The following NEK10 variants were observed in gnomAD, a reference collection of about 807,000 sequenced individuals.
The protein encoded by NEK10 is serine/threonine-protein kinase Nek10.
A neutral mutation model predicts 159.8 loss-of-function variants in NEK10; 122 were observed. The ratio of observed to expected loss-of-function variants is 0.76; its 90% confidence interval spans 0.66 to 0.89. The LOEUF is 0.89. Among genes scored for constraint, NEK10 ranks in the 40% least tolerant of loss-of-function variants. The probability of loss-of-function intolerance (pLI) is 0.00; values close to 1 mark genes in which losing one functional copy is unlikely to be tolerated. For missense variants in NEK10, 1,342 were observed against 1,323.1 expected (o/e 1.01, Z -0.22); for synonymous variants, 466 against 457.1 (o/e 1.02, Z -0.25).
intron 30 of NEK10, 49 bp downstream of exon 30, chr3:27,162,652 G>T: frequency 6.2e-7 from 1 of 1,613,996 alleles, no homozygotes; most frequent in South Asian, 1.1e-5. Context: ...AAATTACATT[G>T]AATTTTAGAG....
intron 3 of NEK10, among the ~76,000 whole-genome samples, chr3:27,349,011 A>G (rs1173864121): frequency 1.3e-5 from 2 of 152,090 alleles, no homozygotes; most frequent in East Asian, 3.9e-4. Context: ...GAGACACTGT[A>G]TATATACAGT....
Position 27,344,695 on chromosome 3 carries a change from G to GT in NEK10, c.264-326dup, listed in dbSNP as rs988420755. 1.1e-4 allele frequency among the ~76,000 whole-genome samples: 17 copies of GT among 152,262 alleles called. No homozygotes were observed. In the East Asian group the frequency reaches 2.7e-3, roughly 24 times the overall value. On this transcript the variant is annotated intron_variant, in intron 4 of 35. Coordinates refer to ENST00000691995, the MANE Select transcript of NEK10 (RefSeq NM_001394966.1). The stretch of plus-strand genomic sequence containing the variant: ...AAAATTGGTTGGAGGGAAGAAAAGG[G>GT]TAAATGGAGAGAAAGAATGATTGGG...
intron 1 of NEK10, among the ~76,000 whole-genome samples, chr3:27,355,304 A>T (rs568921567): frequency 7.8e-4 from 119 of 152,164 alleles, no homozygotes; most frequent in African/African-American, 2.3e-3. Flanking sequence ...TTTACATACC[A>T]TCAGCAATTA....
At chr3:27,270,112 C>T (rs550304592) in intron 22 of NEK10, among the ~76,000 whole-genome samples, 19 of 152,248 alleles carry the variant, frequency 1.2e-4, no homozygotes, top group South Asian at 8.3e-4. Context: ...TATAGCAGAA[C>T]GGATGAGATG....
intron 23 of NEK10, among the ~76,000 whole-genome samples, chr3:27,238,440 A>G (rs1446202601): frequency 1.3e-5 from 2 of 152,146 alleles, no homozygotes; most frequent in African/African-American, 4.8e-5. Context: ...GAATATACTG[A>G]TTTTCTAATA....
chr3:27,270,346 G>T (rs1172594222), intron 22 of NEK10, among the ~76,000 whole-genome samples: 1 of 152,130 alleles, frequency 6.6e-6, no homozygotes, highest in African/African-American at 2.4e-5. Flanking sequence ...GCCAGCCATG[G>T]TATTGAGCCT....
intron 19 of NEK10, among the ~76,000 whole-genome samples, chr3:27,289,743 T>A (rs1055524648): frequency 6.6e-6 from 1 of 152,170 alleles, no homozygotes; most frequent in African/African-American, 2.4e-5. Context: ...TACAAACACA[T>A]GAACAAACTA....
At chr3:27,366,597 C>T (rs2049105998) in intron 1 of NEK10, among the ~76,000 whole-genome samples, 1 of 152,062 alleles carries the variant, frequency 6.6e-6, no homozygotes, top group Non-Finnish European at 1.5e-5. Flanking sequence ...GGCATGGAGC[C>T]CCAAACCCAT....
chr3:27,130,194 G>A (rs1231812346), intron 32 of NEK10, among the ~76,000 whole-genome samples: 2 of 152,206 alleles, frequency 1.3e-5, no homozygotes, highest in Non-Finnish European at 2.9e-5. Flanking sequence ...TATCAGACAA[G>A]AGAACCATGG....
intron 26 of NEK10, among the ~76,000 whole-genome samples, chr3:27,176,693 G>C (rs1350566419): frequency 6.6e-6 from 1 of 152,036 alleles, no homozygotes; most frequent in Non-Finnish European, 1.5e-5. Flanking sequence ...CCAATTCAAG[G>C]CCTTTTCCTT....
chr3:27,197,069 C>T (rs1949622618), intron 25 of NEK10, among the ~76,000 whole-genome samples: 1 of 152,078 alleles, frequency 6.6e-6, no homozygotes, highest in African/African-American at 2.4e-5. Flanking sequence ...TTTGTGTAAT[C>T]ATCACATCAG....
At chr3:27,358,987 C>G (rs1374416907) in intron 1 of NEK10, among the ~76,000 whole-genome samples, 1 of 151,928 alleles carries the variant, frequency 6.6e-6, no homozygotes, top group Non-Finnish European at 1.5e-5. Flanking sequence ...GGCAGATCAC[C>G]CGAGGTCAGT....
chr3:27,191,912 C>T, intron 26 of NEK10, 117 bp downstream of exon 26: 1 of 747,392 alleles, frequency 1.3e-6, no homozygotes, highest in Non-Finnish European at 2.3e-6. Context: ...TATACTACTG[C>T]AATATTGCAT....
chr3:27,266,159 C>T (rs7617029), intron 22 of NEK10, among the ~76,000 whole-genome samples: 39,111 of 152,004 alleles, frequency 0.26, 5,198 homozygotes, highest in Middle Eastern at 0.38. Flanking sequence ...ATTCTCTTAA[C>T]GTTTTTCAAA....
At chr3:27,253,156 A>G (rs1295348699) in intron 23 of NEK10, among the ~76,000 whole-genome samples, 1 of 152,198 alleles carries the variant, frequency 6.6e-6, no homozygotes. Context: ...GTGTCATAAT[A>G]TGAATGGGAT....
chr3:27,124,328 CAGAGCTT>C (rs1409558892), intron 32 of NEK10, among the ~76,000 whole-genome samples: 1 of 152,006 alleles, frequency 6.6e-6, no homozygotes, highest in Non-Finnish European at 1.5e-5. Context: ...GAGAAGGGCC[CAGAGCTT>C]AGACTAGATG....
At chr3:27,160,619 A>G (rs1945927976) in intron 30 of NEK10, among the ~76,000 whole-genome samples, 2 of 152,172 alleles carry the variant, frequency 1.3e-5, no homozygotes, top group Non-Finnish European at 2.9e-5. Flanking sequence ...CACTGATAAC[A>G]AAATGGCCAG....
At chr3:27,354,608 CA>C (rs1341294208) in intron 1 of NEK10, among the ~76,000 whole-genome samples, 1 of 152,028 alleles carries the variant, frequency 6.6e-6, no homozygotes, top group Non-Finnish European at 1.5e-5. Flanking sequence ...TTTAAATTAA[CA>C]AAAATGATTA....
intron 32 of NEK10, among the ~76,000 whole-genome samples, chr3:27,129,404 G>T (rs191551598): frequency 4.6e-5 from 7 of 152,174 alleles, no homozygotes; most frequent in Admixed American, 4.6e-4. Context: ...TGCTCCTATG[G>T]CCCTGGTATG....
Sources: gnomAD v4.1 joint callset for allele counts (sites outside exome capture counted in the v4.1 genomes callset) on GRCh38, gnomAD v4.1.1 for gene constraint, MANE v1.5 for transcripts, NCBI Gene and HGNC (gene_info 2026-07-23, HGNC 2026-07-21) for gene names.